Variants in MED27 observed in about 807,000 individuals in gnomAD.
MED27 encodes the protein mediator of RNA polymerase II transcription subunit 27.
In MED27, 30 loss-of-function variants were observed where a neutral mutation model predicts 38.2. The ratio of observed to expected loss-of-function variants is 0.79; its 90% confidence interval spans 0.59 to 1.07. The LOEUF is 1.07. Among genes scored for constraint, MED27 ranks in the 50% least tolerant of loss-of-function variants. The probability of loss-of-function intolerance (pLI) is 0.00; values close to 1 mark genes in which losing one functional copy is unlikely to be tolerated. For synonymous variants in MED27, 122 were observed against 153.5 expected (o/e 0.79, Z 1.52); for missense variants, 289 against 397.5 (o/e 0.73, Z 2.32).
intron 4 of MED27, among the ~76,000 whole-genome samples, chr9:131,898,337 C>T (rs1044654558): frequency 1.3e-5 from 2 of 151,834 alleles, no homozygotes; most frequent in Admixed American, 6.6e-5. Flanking sequence ...TGGGTTCAAG[C>T]GATTCTCCTG....
intron 4 of MED27, among the ~76,000 whole-genome samples, chr9:131,936,292 C>T (rs1045354671): frequency 1.1e-4 from 17 of 152,222 alleles, no homozygotes; most frequent in Admixed American, 7.8e-4. Context: ...TAGGTGTCCC[C>T]GCAGCCACGG....
At chr9:131,869,285 G>A (rs760543160) in intron 6 of MED27, 5 of 984,744 alleles carry the variant, frequency 5.1e-6, no homozygotes, top group Non-Finnish European at 3.6e-6. Flanking sequence ...GTGATCTTCC[G>A]TCTTGTCAAA....
intron 6 of MED27, among the ~76,000 whole-genome samples, chr9:131,874,629 C>G (rs950432734): frequency 2.0e-5 from 3 of 152,130 alleles, no homozygotes; most frequent in Non-Finnish European, 2.9e-5. Flanking sequence ...AGGATAGACA[C>G]GAGGGAACTT....
intron 3 of MED27, among the ~76,000 whole-genome samples, chr9:131,952,360 T>C (rs937260493): frequency 4.6e-5 from 7 of 152,184 alleles, no homozygotes; most frequent in South Asian, 2.1e-4. Context: ...GGACATGGAC[T>C]GGGGGGAAGC....
intron 2 of MED27, among the ~76,000 whole-genome samples, chr9:132,072,938 G>T (rs1245941151): frequency 6.6e-6 from 1 of 152,074 alleles, no homozygotes; most frequent in East Asian, 1.9e-4. Context: ...TAAGAGGCTG[G>T]TGGAATTGAC....
Position 131,962,958 on chromosome 9 carries a change from C to T in MED27, c.480-23484G>A, listed in dbSNP as rs144138452. On this transcript the variant is annotated intron_variant, in intron 3 of 7. Coordinates refer to ENST00000292035, the MANE Select transcript of MED27 (RefSeq NM_004269.4). The stretch of plus-strand genomic sequence containing the variant: ...ATGATTTTCATTCCACAGATGTGGA[C>T]GACATTTCAGCATTGATTCAAATAC... 1.6e-3 allele frequency among the ~76,000 whole-genome samples: 247 copies of T among 152,212 alleles called. 4 individuals carry two copies. The East Asian group carries it at 0.021, about 13-fold the overall frequency.
At chr9:131,955,311 A>G (rs2130990294) in intron 3 of MED27, among the ~76,000 whole-genome samples, 1 of 152,270 alleles carries the variant, frequency 6.6e-6, no homozygotes, top group Non-Finnish European at 1.5e-5. Flanking sequence ...AAAAGCCTAT[A>G]TAAGAAAAGA....
In MED27 at chr9:132,059,533, C is replaced by T. The variant is rs79895318; in HGVS notation, c.348+17909G>A. Among the ~76,000 whole-genome samples the T allele has an allele frequency of 1.5e-3, 225 of 152,324 alleles. 1 individual carries two copies. Among genetic ancestry groups the T allele is most frequent in the African/African-American group, 5.3e-3 (219 of 41,580 alleles). On this transcript the variant is annotated intron_variant, in intron 2 of 7. Coordinates refer to ENST00000292035, the MANE Select transcript of MED27 (RefSeq NM_004269.4). Reference sequence around the variant, plus strand: ...AGCTCAGAGCTGGCAGGTGATGGGGCCGAGAGATGCAGTCATGCTCTGAGC... The same window carrying T: ...AGCTCAGAGCTGGCAGGTGATGGGGTCGAGAGATGCAGTCATGCTCTGAGC...
At chr9:132,062,681 G>T (rs1833724512) in intron 2 of MED27, among the ~76,000 whole-genome samples, 2 of 151,738 alleles carry the variant, frequency 1.3e-5, no homozygotes. Flanking sequence ...ACAGTGGGGT[G>T]ATCACAGCTC....
intron 3 of MED27, among the ~76,000 whole-genome samples, chr9:132,009,419 T>C (rs1040832559): frequency 2.0e-5 from 3 of 152,232 alleles, no homozygotes; most frequent in Non-Finnish European, 2.9e-5. Context: ...ACTGACGCTG[T>C]GTGTCTTCTG....
intron 2 of MED27, among the ~76,000 whole-genome samples, chr9:132,055,805 T>C (rs1833563867): frequency 6.6e-6 from 1 of 152,202 alleles, no homozygotes; most frequent in African/African-American, 2.4e-5. Context: ...CACAGTGCAA[T>C]TGCAATGATT....
At chr9:132,006,468 C>T (rs753425421) in intron 3 of MED27, among the ~76,000 whole-genome samples, 3 of 152,148 alleles carry the variant, frequency 2.0e-5, no homozygotes, top group Non-Finnish European at 4.4e-5. Flanking sequence ...CAGCATATAA[C>T]CAAATTCTGC....
chr9:131,922,173 AAAAAT>A lies in MED27; in HGVS notation c.573+17203_573+17207del, dbSNP rs1160000883. Among the ~76,000 whole-genome samples the A allele has an allele frequency of 2.3e-4, 35 of 152,066 alleles. 1 individual carries two copies. In the South Asian group the frequency reaches 4.6e-3, roughly 20 times the overall value. On this transcript the variant is annotated intron_variant, in intron 4 of 7. Transcript: ENST00000292035. ...GTACCCTAGAACTTAAAGTATAATA[AAAAAT>A]AAAATAAAATAAAATAATAAAAATA...
intron 4 of MED27, among the ~76,000 whole-genome samples, chr9:131,898,975 C>G (rs570352499): frequency 1.3e-5 from 2 of 152,204 alleles, no homozygotes; most frequent in African/African-American, 4.8e-5. Context: ...GTTGGAAAGC[C>G]TGGCCTAGCT....
chr9:132,068,129 GACA>G (rs1190596370), intron 2 of MED27, among the ~76,000 whole-genome samples: 10 of 152,248 alleles, frequency 6.6e-5, no homozygotes, highest in Non-Finnish European at 1.3e-4. Flanking sequence ...AGACCATGAC[GACA>G]ACAACGGGCC....
In MED27 at chr9:131,906,991, G is replaced by T. The variant is rs150489607; in HGVS notation, c.574-12999C>A. ...GGCATTTGTAAACTGTCATGGTGCT[G>T]GTGGGAGTGTCTTTTCAAATGCTAA... On this transcript the variant is annotated intron_variant, in intron 4 of 7. Coordinates refer to ENST00000292035, the MANE Select transcript of MED27 (RefSeq NM_004269.4). Among the ~76,000 whole-genome samples the T allele has an allele frequency of 3.1e-3, 466 of 152,246 alleles. 2 individuals are homozygous for T. The highest frequency in any genetic ancestry group is 0.011 in the African/African-American group (458 of 41,532).
chr9:131,868,572 G>A (rs1459453757), intron 6 of MED27: 4 of 984,160 alleles, frequency 4.1e-6, no homozygotes, highest in Admixed American at 6.2e-5. Context: ...CACTGCGCCC[G>A]GCCCACTATT....
At chr9:132,042,578 G>A (rs991116556) in intron 2 of MED27, among the ~76,000 whole-genome samples, 25 of 152,232 alleles carry the variant, frequency 1.6e-4, no homozygotes, top group African/African-American at 1.9e-4. Flanking sequence ...TGCATTCACC[G>A]TGAGTCAGCA....
At chr9:131,937,294 T>C (rs1215677894) in intron 4 of MED27, among the ~76,000 whole-genome samples, 1 of 152,210 alleles carries the variant, frequency 6.6e-6, no homozygotes. Flanking sequence ...TCAAATCACC[T>C]ACCACTGGCC....
Sources: gnomAD v4.1 joint callset for allele counts (sites outside exome capture counted in the v4.1 genomes callset) on GRCh38, gnomAD v4.1.1 for gene constraint, MANE v1.5 for transcripts, NCBI Gene and HGNC (gene_info 2026-07-23, HGNC 2026-07-21) for gene names.